SCN10A: variants seen among roughly 807,000 people sequenced by gnomAD.
SCN10A encodes the protein sodium channel protein type 10 subunit alpha.
SCN10A carries 162 observed loss-of-function variants against 170.7 expected under a neutral mutation model. The observed-to-expected ratio is 0.95, with a 90% CI of 0.84 to 1.08. The LOEUF (loss-of-function observed/expected upper bound fraction) is 1.08, where lower values mean the gene tolerates loss of function less well. Among genes scored for constraint, SCN10A ranks in the 50% least tolerant of loss-of-function variants. The pLI is 0.00. For synonymous variants in SCN10A, 985 were observed against 904.6 expected (o/e 1.09, Z -1.59); for missense variants, 2,527 against 2,436.9 (o/e 1.04, Z -0.78).
intron 3 of SCN10A, 64 bp from the exon 4 acceptor site, chr3:38,789,100 C>A (rs1401256397): frequency 2.2e-6 from 2 of 899,958 alleles, no homozygotes; most frequent in East Asian, 2.4e-5. Context: ...TCTAGGATCA[C>A]CTTGATGCTG....
At chr3:38,734,195 T>C (rs944741524) in intron 15 of SCN10A, among the ~76,000 whole-genome samples, 2 of 152,146 alleles carry the variant, frequency 1.3e-5, no homozygotes, top group Non-Finnish European at 2.9e-5. Context: ...CTAATTTATA[T>C]ATTTTTAGTA....
chr3:38,798,764 G>T (rs941943059), intron 1 of SCN10A, among the ~76,000 whole-genome samples: 1 of 145,844 alleles, frequency 6.9e-6, no homozygotes, highest in East Asian at 2.0e-4. Flanking sequence ...AACCAACAGC[G>T]ATATTTGGTT....
chr3:38,805,113 C>T (rs1017682754), intron 1 of SCN10A, among the ~76,000 whole-genome samples: 1 of 151,968 alleles, frequency 6.6e-6, no homozygotes, highest in Non-Finnish European at 1.5e-5. Context: ...ATAAGAGATA[C>T]CAAAAGAACA....
At chr3:38,734,292 G>T (rs2063538594) in intron 15 of SCN10A, among the ~76,000 whole-genome samples, 1 of 152,122 alleles carries the variant, frequency 6.6e-6, no homozygotes, top group Non-Finnish European at 1.5e-5. Context: ...AAAATTCTGG[G>T]ATTACAGGCG....
Position 38,697,962 on chromosome 3 carries a change from G to A in SCN10A, c.5258C>T (p.Pro1753Leu). 6.2e-7 allele frequency: 1 copy of A among 1,614,134 alleles called. No individual in the cohort carries two copies. Among genetic ancestry groups the A allele is most frequent in the Non-Finnish European group, 8.5e-7 (1 of 1,180,028 alleles). The change falls in exon 28 of 28, where the codon CCA becomes CTA. Residue 1753 changes from proline (P) to leucine (L), a missense_variant. By Grantham distance (98) the Pro-to-Leu change is moderately conservative. Transcript: ENST00000449082. ...AAAGGTAATAAACTGAGTGGCCTCT[G>A]GGTCAAACTTCTCCCAGGTCTCATA... Reference protein sequence around the residue: ...MFYETWEKFDPEATQFITFSA... With the variant: ...MFYETWEKFDLEATQFITFSA...
intron 18 of SCN10A, among the ~76,000 whole-genome samples, chr3:38,723,840 C>A (rs1298644198): frequency 6.6e-6 from 1 of 152,220 alleles, no homozygotes. Context: ...GCTGCAGGGG[C>A]CTGCTGCCCT....
At chr3:38,775,341 C>T (rs753012958) in intron 4 of SCN10A, among the ~76,000 whole-genome samples, 1 of 152,110 alleles carries the variant, frequency 6.6e-6, no homozygotes, top group Non-Finnish European at 1.5e-5. Flanking sequence ...AACATTTGTT[C>T]TTTTGCGTTT....
chr3:38,784,107 T>C (rs1045661029), intron 4 of SCN10A, among the ~76,000 whole-genome samples: 1 of 152,140 alleles, frequency 6.6e-6, no homozygotes. Flanking sequence ...AAGCACTTGC[T>C]TTTTCATGCT....
In SCN10A at chr3:38,726,915, C is replaced by T; in HGVS notation, c.2778G>A (p.Gln926=). The change falls in exon 17 of 28, where the codon CAG becomes CAA. Residue 926 remains glutamine (Q), a synonymous_variant. Transcript: ENST00000449082. ...ACCTGCTGAAGAAGCTGCAAAGAGC[C>T]TGTTTGGTACGATGGCCAAAGACCT... ...RIQVFGHRTK[Q]ALCSFFSRSC... is the part of the protein sequence containing the mutation. 6.2e-7 allele frequency: 1 copy of T among 1,614,242 alleles called. No homozygotes were observed. Among genetic ancestry groups the T allele is most frequent in the Non-Finnish European group, 8.5e-7 (1 of 1,180,046 alleles).
At chr3:38,732,449 G>T (rs995387107) in intron 15 of SCN10A, among the ~76,000 whole-genome samples, 3 of 152,222 alleles carry the variant, frequency 2.0e-5, no homozygotes, top group African/African-American at 7.2e-5. Flanking sequence ...AACAAGCACT[G>T]AATGTGCTGT....
intron 21 of SCN10A, among the ~76,000 whole-genome samples, 172 bp downstream of exon 21, chr3:38,718,481 A>G (rs2063354938): frequency 6.6e-6 from 1 of 152,224 alleles, no homozygotes; most frequent in Non-Finnish European, 1.5e-5. Context: ...TACTGCCTGG[A>G]CTTTACCACT....
Position 38,701,830 on chromosome 3 carries a change from C to T in SCN10A, c.4657+9G>A. The T allele has an allele frequency of 1.3e-6, 2 of 1,588,720 alleles. No homozygotes were observed. Among genetic ancestry groups the T allele is most frequent in the Non-Finnish European group, 1.7e-6 (2 of 1,165,374 alleles). ...GTGGGGCTTCCCCACCACGTGGCTG[C>T]CCACTTACTCGCAATGGAGAGAACC... On this transcript the variant is annotated intron_variant, in intron 27 of 27. Coordinates refer to ENST00000449082, the MANE Select transcript of SCN10A (RefSeq NM_006514.4).
chr3:38,794,099 C>G, intron 1 of SCN10A, 57 bp from the exon 2 acceptor site: 1 of 1,189,134 alleles, frequency 8.4e-7, no homozygotes, highest in African/African-American at 1.5e-5. Context: ...GGCCCTGTCC[C>G]TCTCATCTGT....
chr3:38,702,185 G>C, intron 26 of SCN10A, 76 bp from the exon 27 acceptor site: 1 of 1,448,268 alleles, frequency 6.9e-7, no homozygotes, highest in East Asian at 2.4e-5. Flanking sequence ...CTGTAGATGA[G>C]TTTTGTCTCC....
At chr3:38,780,627 C>T (rs1559461658) in intron 4 of SCN10A, among the ~76,000 whole-genome samples, 1 of 151,646 alleles carries the variant, frequency 6.6e-6, no homozygotes, top group Non-Finnish European at 1.5e-5. Flanking sequence ...TGTTATACAT[C>T]ATTTTAATGT....
intron 7 of SCN10A, 47 bp downstream of exon 7, chr3:38,761,145 C>T: frequency 7.0e-7 from 1 of 1,430,272 alleles, no homozygotes; most frequent in Non-Finnish European, 9.7e-7. Flanking sequence ...TATATGATAC[C>T]AAGGGTCCAA....
intron 4 of SCN10A, among the ~76,000 whole-genome samples, chr3:38,786,605 T>A (rs1164752319): frequency 6.6e-6 from 1 of 152,194 alleles, no homozygotes; most frequent in African/African-American, 2.4e-5. Context: ...TCTGCACATG[T>A]ACCCCAGAAC....
At chr3:38,788,235 A>G (rs1042606990) in intron 4 of SCN10A, among the ~76,000 whole-genome samples, 67 of 150,586 alleles carry the variant, frequency 4.4e-4, no homozygotes, top group Admixed American at 1.6e-3. Flanking sequence ...AAAAAAAAAA[A>G]AAAAGAAAGC....
intron 5 of SCN10A, among the ~76,000 whole-genome samples, chr3:38,768,568 C>T (rs1227124693): frequency 6.6e-6 from 1 of 152,168 alleles, no homozygotes; most frequent in East Asian, 1.9e-4. Flanking sequence ...AGATGGGACC[C>T]TAATCCCTTC....
Sources: allele counts gnomAD v4.1 joint callset (sites outside exome capture counted in the v4.1 genomes callset), GRCh38; gene constraint gnomAD v4.1.1; transcripts MANE v1.5; gene names NCBI Gene and HGNC (gene_info 2026-07-23, HGNC 2026-07-21).